The following BCAS1 variants were observed in gnomAD, a reference collection of about 807,000 sequenced individuals.
BCAS1 encodes brain enriched myelin associated protein 1.
In BCAS1, 46 loss-of-function variants were observed where a neutral mutation model predicts 65.4. The observed-to-expected ratio is 0.70, with a 90% CI of 0.55 to 0.90. The LOEUF (loss-of-function observed/expected upper bound fraction) is 0.90. BCAS1 is among the 40% of genes least tolerant of loss of function. BCAS1 has a pLI of 0.00. For synonymous variants in BCAS1, 298 were observed against 293.5 expected, an observed-to-expected ratio of 1.02 and a Z score of -0.16; for missense variants, 793 against 771.2, an observed-to-expected ratio of 1.03 and a Z score of -0.33.
intron 7 of BCAS1, among the ~76,000 whole-genome samples, chr20:53,991,985 A>G (rs930201404): frequency 2.0e-5 from 3 of 152,194 alleles, no homozygotes. Flanking sequence ...TTTTTCTACC[A>G]TTGGCCAATT....
intron 3 of BCAS1, among the ~76,000 whole-genome samples, chr20:54,042,598 A>G (rs1316047523): frequency 6.6e-6 from 1 of 152,190 alleles, no homozygotes; most frequent in African/African-American, 2.4e-5. Flanking sequence ...TGGATATAAG[A>G]AACTGTAAAG....
At chr20:54,011,820 C>T (rs1298597983) in intron 4 of BCAS1, among the ~76,000 whole-genome samples, 1 of 152,194 alleles carries the variant, frequency 6.6e-6, no homozygotes, top group Non-Finnish European at 1.5e-5. Context: ...GATGGCACCA[C>T]TGCACTTGCC....
At chr20:53,960,664 G>GTTTCCTTCCTTCCTTCCTTCCTTC (rs918279356) in intron 10 of BCAS1, among the ~76,000 whole-genome samples, 7 of 151,786 alleles carry the variant, frequency 4.6e-5, no homozygotes, top group Non-Finnish European at 8.8e-5. Flanking sequence ...AATAACAACT[G>GTTTCCTTCCTTCCTTCCTTCCTTC]TTTCCTTCCT....
chr20:54,058,857 T>C, intron 1 of BCAS1, 134 bp from the exon 2 acceptor site: 1 of 961,318 alleles, frequency 1.0e-6, no homozygotes, highest in Non-Finnish European at 1.5e-6. Flanking sequence ...ACAAATTGCT[T>C]GTATTAGTCC....
intron 4 of BCAS1, among the ~76,000 whole-genome samples, chr20:54,016,367 G>A (rs540702793): frequency 8.5e-5 from 13 of 152,152 alleles, no homozygotes; most frequent in African/African-American, 2.7e-4. Flanking sequence ...TTTGGGGTAC[G>A]TGTGATAATT....
At chr20:54,061,196 C>T (rs2092372713) in intron 1 of BCAS1, among the ~76,000 whole-genome samples, 1 of 152,078 alleles carries the variant, frequency 6.6e-6, no homozygotes, top group Non-Finnish European at 1.5e-5. Flanking sequence ...CAAAGGTCAC[C>T]CAGTTAATGA....
intron 8 of BCAS1, among the ~76,000 whole-genome samples, chr20:53,979,621 G>A (rs2090426522): frequency 6.6e-6 from 1 of 152,208 alleles, no homozygotes; most frequent in African/African-American, 2.4e-5. Flanking sequence ...TCTCCTTGGT[G>A]GCTGTGGTGG....
At position 54,066,218 on chromosome 20, in the gene BCAS1, G is replaced by A. The variant is rs543640605; in HGVS notation, c.-6+4215C>T. Reference sequence around the variant, plus strand: ...CTCCCGAGTAGCTGGGACTACAGGCGCCTGCCACCACGCCCGGCTAATTTT... The same window carrying A: ...CTCCCGAGTAGCTGGGACTACAGGCACCTGCCACCACGCCCGGCTAATTTT... On this transcript the variant is annotated intron_variant, in intron 1 of 12. Coordinates refer to ENST00000688948, the MANE Select transcript of BCAS1 (RefSeq NM_001366298.2). Among the ~76,000 whole-genome samples the A allele has an allele frequency of 1.6e-4, 25 of 152,162 alleles. 1 individual carries two copies. The East Asian group carries it at 3.9e-3, about 24-fold the overall frequency.
intron 1 of BCAS1, among the ~76,000 whole-genome samples, chr20:54,069,128 C>T (rs1047899102): frequency 6.6e-6 from 1 of 152,118 alleles, no homozygotes; most frequent in East Asian, 1.9e-4. Context: ...CGTCTGTTGT[C>T]TTTATTTAGG....
chr20:53,946,768 G>C (rs889663209), intron 12 of BCAS1, among the ~76,000 whole-genome samples: 5 of 151,480 alleles, frequency 3.3e-5, no homozygotes, highest in African/African-American at 1.2e-4. Flanking sequence ...AATATAGTAT[G>C]ATATATACAG....
At chr20:53,963,484 GA>G (rs11484330) in intron 10 of BCAS1, among the ~76,000 whole-genome samples, 3 of 141,806 alleles carry the variant, frequency 2.1e-5, no homozygotes, top group Middle Eastern at 3.6e-3. Flanking sequence ...GTCTCAAAAA[GA>G]AAAAAAAAAG....
chr20:53,955,524 G>A (rs188145954), intron 11 of BCAS1, among the ~76,000 whole-genome samples: 71 of 152,312 alleles, frequency 4.7e-4, no homozygotes, highest in Non-Finnish European at 2.1e-4. Flanking sequence ...ATTTTAAGAT[G>A]CAGTGAGTGG....
At position 53,996,068 on chromosome 20, in the gene BCAS1, G is replaced by A. The variant is rs543922790; in HGVS notation, c.724-18C>T. On this transcript the variant is annotated intron_variant, in intron 4 of 12. Transcript: ENST00000688948. Reference sequence around the variant, plus strand: ...ACTATGTCCTAGGGGCAAAACAGTTGTCACAGTTGCCACTTGCTGAATGTG... The same window carrying A: ...ACTATGTCCTAGGGGCAAAACAGTTATCACAGTTGCCACTTGCTGAATGTG... The A allele has an allele frequency of 1.3e-6, 2 of 1,561,056 alleles. No individual in the cohort carries two copies. The highest frequency in any genetic ancestry group is 1.7e-6 in the Non-Finnish European group (2 of 1,151,572).
At chr20:53,951,679 A>G (rs1448101448) in intron 12 of BCAS1, among the ~76,000 whole-genome samples, 2 of 152,250 alleles carry the variant, frequency 1.3e-5, no homozygotes, top group African/African-American at 2.4e-5. Context: ...TCGTGTGCAC[A>G]GTACATTTTG....
At chr20:53,954,328 AGAGAGAGG>A (rs1384982555) in intron 11 of BCAS1, among the ~76,000 whole-genome samples, 3 of 148,620 alleles carry the variant, frequency 2.0e-5, no homozygotes, top group South Asian at 2.2e-4. Flanking sequence ...AGAGAGAGAG[AGAGAGAGG>A]GACCAGGCAT....
intron 4 of BCAS1, among the ~76,000 whole-genome samples, chr20:54,011,887 A>G (rs1263523387): frequency 6.6e-6 from 1 of 152,172 alleles, no homozygotes; most frequent in African/African-American, 2.4e-5. Context: ...TAAATAAAAC[A>G]TGCAACTATA....
At chr20:53,945,253 T>A (rs1462159083) in intron 12 of BCAS1, among the ~76,000 whole-genome samples, 1 of 152,154 alleles carries the variant, frequency 6.6e-6, no homozygotes, top group Non-Finnish European at 1.5e-5. Flanking sequence ...ATCTTTAAAA[T>A]GGAAATGACA....
intron 3 of BCAS1, among the ~76,000 whole-genome samples, chr20:54,030,939 G>T (rs2091786756): frequency 6.6e-6 from 1 of 151,438 alleles, no homozygotes; most frequent in Admixed American, 6.6e-5. Context: ...ATGCATCAGG[G>T]TGTAAAGTTA....
At chr20:54,067,658 C>T (rs1331091686) in intron 1 of BCAS1, among the ~76,000 whole-genome samples, 2 of 152,194 alleles carry the variant, frequency 1.3e-5, no homozygotes, top group Non-Finnish European at 2.9e-5. Flanking sequence ...ATAATAGGCC[C>T]TCCTCCTGGA....
Sources: allele counts gnomAD v4.1 joint callset (sites outside exome capture counted in the v4.1 genomes callset), GRCh38; gene constraint gnomAD v4.1.1; transcripts MANE v1.5; gene names NCBI Gene and HGNC (gene_info 2026-07-23, HGNC 2026-07-21).